The following CPNE4 variants were observed in gnomAD, a reference collection of about 807,000 sequenced individuals.
CPNE4 encodes the protein copine-4.
Under a neutral mutation model 67.9 loss-of-function variants are expected in CPNE4, and 25 were observed. The observed-to-expected ratio is 0.37, with a 90% CI of 0.27 to 0.51. The LOEUF is 0.51. Among genes scored for constraint, CPNE4 ranks in the 20% least tolerant of loss-of-function variants. The pLI is 0.93. For missense variants in CPNE4, 464 were observed against 690.8 expected (o/e 0.67, Z 3.68); for synonymous variants, 242 against 244.9 (o/e 0.99, Z 0.11).
chr3:131,792,177 C>A (rs1259966014), intron 2 of CPNE4, among the ~76,000 whole-genome samples: 1 of 151,838 alleles, frequency 6.6e-6, no homozygotes, highest in Non-Finnish European at 1.5e-5. Context: ...TTTATTCTTG[C>A]CCCCCTCTCA....
intron 1 of CPNE4, among the ~76,000 whole-genome samples, chr3:131,920,083 G>C (rs1384259569): frequency 6.6e-6 from 1 of 152,096 alleles, no homozygotes; most frequent in African/African-American, 2.4e-5. Flanking sequence ...TCACTCCGCT[G>C]CCCAACATCC....
intron 1 of CPNE4, among the ~76,000 whole-genome samples, chr3:132,015,259 T>C (rs2073863792): frequency 6.6e-6 from 1 of 152,226 alleles, no homozygotes; most frequent in South Asian, 2.1e-4. Flanking sequence ...TAGGTTTTTC[T>C]TATTTATAAC....
intron 2 of CPNE4, among the ~76,000 whole-genome samples, chr3:131,776,427 C>A (rs759197297): frequency 8.5e-5 from 13 of 152,122 alleles, no homozygotes; most frequent in Admixed American, 2.6e-4. Flanking sequence ...TGATGGGAGG[C>A]TTTGAGAAAT....
At chr3:131,826,152 T>C (rs1283258289) in intron 2 of CPNE4, among the ~76,000 whole-genome samples, 2 of 152,194 alleles carry the variant, frequency 1.3e-5, no homozygotes, top group East Asian at 1.9e-4. Context: ...ATAGATGTAC[T>C]GTATATTCTA....
chr3:131,824,958 A>C (rs2085096107), intron 2 of CPNE4, among the ~76,000 whole-genome samples: 1 of 152,130 alleles, frequency 6.6e-6, no homozygotes, highest in Non-Finnish European at 1.5e-5. Flanking sequence ...TTCTCATAAA[A>C]TGTGATACTT....
chr3:131,829,132 G>A lies in CPNE4; in HGVS notation c.180+76132C>T, dbSNP rs150782423. On this transcript the variant is annotated intron_variant, in intron 2 of 15. Transcript: ENST00000429747. The stretch of plus-strand genomic sequence containing the variant: ...TGTTTTTAAAACCATCAGATCTTGT[G>A]AGACTCATTCACTATCACAAGAATG... Among the ~76,000 whole-genome samples the A allele has an allele frequency of 9.9e-5, 15 of 152,268 alleles. No homozygotes were observed. In the East Asian group the frequency reaches 2.5e-3, roughly 26 times the overall value.
intron 2 of CPNE4, among the ~76,000 whole-genome samples, chr3:131,859,600 G>T (rs1452430431): frequency 1.3e-5 from 2 of 152,112 alleles, no homozygotes; most frequent in Admixed American, 6.6e-5. Flanking sequence ...AGAATCTCTG[G>T]GGGTGGAACT....
chr3:131,862,699 TTATA>T (rs72370844), intron 2 of CPNE4, among the ~76,000 whole-genome samples: 11 of 138,414 alleles, frequency 7.9e-5, no homozygotes, highest in African/African-American at 2.3e-4. Flanking sequence ...TTTTAAGTTC[TTATA>T]TATATATATA....
intron 7 of CPNE4, among the ~76,000 whole-genome samples, chr3:131,663,417 G>A (rs28385280): frequency 0.35 from 52,854 of 151,564 alleles, 9,710 homozygotes; most frequent in African/African-American, 0.45. Context: ...ACCATAGCCC[G>A]TGTATACCTA....
At chr3:131,604,298 A>G (rs1000910) in intron 7 of CPNE4, among the ~76,000 whole-genome samples, 82,168 of 152,092 alleles carry the variant, frequency 0.54, 27,018 homozygotes, top group Non-Finnish European at 0.73. Flanking sequence ...GATATGGAGG[A>G]AAGATTTCCT....
chr3:131,728,015 T>C (rs1047483222), intron 2 of CPNE4, among the ~76,000 whole-genome samples: 2 of 152,136 alleles, frequency 1.3e-5, no homozygotes, highest in Non-Finnish European at 2.9e-5. Flanking sequence ...GCATGACATA[T>C]TCATGTACAA....
intron 11 of CPNE4, among the ~76,000 whole-genome samples, chr3:131,561,796 T>C (rs1936781708): frequency 6.6e-6 from 1 of 152,048 alleles, no homozygotes; most frequent in African/African-American, 2.4e-5. Context: ...GAGCCCCGAC[T>C]TGAAATTTCC....
chr3:131,642,694 T>G (rs1371951592), intron 7 of CPNE4, among the ~76,000 whole-genome samples: 1 of 152,104 alleles, frequency 6.6e-6, no homozygotes, highest in Non-Finnish European at 1.5e-5. Context: ...TCTTATGATA[T>G]CCGATGGTTT....
At chr3:131,722,414 T>A (rs1278988945) in intron 3 of CPNE4, among the ~76,000 whole-genome samples, 1 of 151,840 alleles carries the variant, frequency 6.6e-6, no homozygotes. Flanking sequence ...CTTGATTCAG[T>A]CAGGGAAAGT....
chr3:131,673,686 A>G (rs1412032033), intron 6 of CPNE4, among the ~76,000 whole-genome samples: 1 of 151,876 alleles, frequency 6.6e-6, no homozygotes, highest in East Asian at 1.9e-4. Context: ...AACTTTGCTG[A>G]GTTTATTAGT....
chr3:131,605,562 CA>C (rs1486677133), intron 7 of CPNE4, among the ~76,000 whole-genome samples: 1 of 151,972 alleles, frequency 6.6e-6, no homozygotes, highest in Admixed American at 6.6e-5. Context: ...GCAGGCAATT[CA>C]GTGTGAAATA....
chr3:131,786,622 G>C (rs996511511), intron 2 of CPNE4, among the ~76,000 whole-genome samples: 1 of 152,096 alleles, frequency 6.6e-6, no homozygotes, highest in African/African-American at 2.4e-5. Context: ...GGCACCTAGG[G>C]TAAAGCAGTA....
At chr3:131,645,025 C>T (rs1281501217) in intron 7 of CPNE4, among the ~76,000 whole-genome samples, 1 of 152,196 alleles carries the variant, frequency 6.6e-6, no homozygotes, top group Non-Finnish European at 1.5e-5. Context: ...AACAGAGATG[C>T]TGGAGGTTCC....
chr3:131,929,297 A>G (rs2070987667), intron 1 of CPNE4, among the ~76,000 whole-genome samples: 1 of 151,986 alleles, frequency 6.6e-6, no homozygotes, highest in African/African-American at 2.4e-5. Flanking sequence ...CATGCCAGAT[A>G]AGTAGAACAG....
Sources: allele counts gnomAD v4.1 joint callset (sites outside exome capture counted in the v4.1 genomes callset), GRCh38; gene constraint gnomAD v4.1.1; transcripts MANE v1.5; gene names NCBI Gene and HGNC (gene_info 2026-07-23, HGNC 2026-07-21).